The following LTBP1 variants were observed in gnomAD, a reference collection of about 807,000 sequenced individuals.
LTBP1 encodes latent transforming growth factor beta binding protein 1.
Under a neutral mutation model 207.6 loss-of-function variants are expected in LTBP1, and 129 were observed. That is an observed-to-expected ratio of 0.62 (90% CI 0.54 to 0.72). LTBP1 has a LOEUF of 0.72. LTBP1 is among the 30% of genes least tolerant of loss of function. The pLI is 0.00. For missense variants in LTBP1, 2,281 were observed against 2,217.2 expected, an observed-to-expected ratio of 1.03 and a Z score of -0.58; for synonymous variants, 963 against 833.7, an observed-to-expected ratio of 1.16 and a Z score of -2.67.
At chr2:32,950,015 G>C (rs182709293) in intron 2 of LTBP1, among the ~76,000 whole-genome samples, 1 of 152,178 alleles carries the variant, frequency 6.6e-6, no homozygotes, top group Admixed American at 6.5e-5. Flanking sequence ...GATCAGAAAT[G>C]CTCAGGGTTC....
chr2:32,971,002 T>TTG (rs56246215), intron 2 of LTBP1, among the ~76,000 whole-genome samples: 12,884 of 142,392 alleles, frequency 0.09, 606 homozygotes, highest in African/African-American at 0.11. Context: ...TCCTAGGTAT[T>TTG]TGTGTGTGTG....
Position 33,205,565 on chromosome 2 carries a change from C to T in LTBP1, c.1702-11987C>T, listed in dbSNP as rs535802138. On this transcript the variant is annotated intron_variant, in intron 7 of 33. Coordinates refer to ENST00000404816, the MANE Select transcript of LTBP1 (RefSeq NM_206943.4). The stretch of plus-strand genomic sequence containing the variant: ...TGATAGTGGTTCCATCATGTTACTG[C>T]CATGTTATCCAGAATATATGGCTTC... 1.0e-3 allele frequency among the ~76,000 whole-genome samples: 156 copies of T among 152,276 alleles called. 1 individual carries two copies. Among genetic ancestry groups the T allele is most frequent in the East Asian group, 1.9e-3 (10 of 5,184 alleles).
Position 33,165,716 on chromosome 2 carries a change from T to A in LTBP1, c.1202-21140T>A, listed in dbSNP as rs1572936564. Among the ~76,000 whole-genome samples, 4 of 152,346 alleles carry A rather than the reference T, an allele frequency of 2.6e-5. No homozygotes were observed. In the South Asian group the frequency reaches 8.3e-4, roughly 32 times the overall value. ...GAATTTATCATCATCATTATTATTATCATTATTTTAGCAGACGGAGTCTCT... is the reference window on the plus strand; with the variant it reads ...GAATTTATCATCATCATTATTATTAACATTATTTTAGCAGACGGAGTCTCT... On this transcript the variant is annotated intron_variant, in intron 5 of 33. Coordinates refer to ENST00000404816, the MANE Select transcript of LTBP1 (RefSeq NM_206943.4).
chr2:33,183,299 T>G (rs1314069145), intron 5 of LTBP1, among the ~76,000 whole-genome samples: 1 of 152,228 alleles, frequency 6.6e-6, no homozygotes, highest in Non-Finnish European at 1.5e-5. Context: ...TATCCACTTT[T>G]GTAAAATGTC....
intron 31 of LTBP1, among the ~76,000 whole-genome samples, chr2:33,388,104 C>G (rs2095283574): frequency 1.3e-5 from 2 of 152,200 alleles, no homozygotes. Flanking sequence ...CTCAATAACT[C>G]TGTTCTTAAA....
chr2:33,156,924 T>G (rs147084533), intron 5 of LTBP1, among the ~76,000 whole-genome samples: 8 of 152,332 alleles, frequency 5.3e-5, no homozygotes, highest in Non-Finnish European at 1.2e-4. Context: ...TTAAGAGAAT[T>G]CAAAGAACTT....
At chr2:33,119,640 T>C (rs547398110) in intron 4 of LTBP1, among the ~76,000 whole-genome samples, 1 of 152,178 alleles carries the variant, frequency 6.6e-6, no homozygotes, top group African/African-American at 2.4e-5. Flanking sequence ...TACTGCAAGC[T>C]CCGCCTCCCG....
Position 33,293,038 on chromosome 2 carries a change from A to G in LTBP1, c.3113-122A>G. The stretch of plus-strand genomic sequence containing the variant: ...CTCCTTTGGGCTAATTTGAAAGTTT[A>G]TCTTTAAGAATCTGCCTGGTCTTCT... On this transcript the variant is annotated intron_variant, in intron 19 of 33. Coordinates refer to ENST00000404816, the MANE Select transcript of LTBP1 (RefSeq NM_206943.4). 7.9e-6 allele frequency: 8 copies of G among 1,011,624 alleles called. No homozygotes were observed. In the South Asian group the frequency reaches 1.3e-4, roughly 16 times the overall value. The allele number at this position is 1,011,624 out of a possible 1,614,324, so 62.7% of individuals were successfully genotyped here. A position where few individuals can be genotyped will look rare whatever the true frequency, so the allele number is the denominator to read the frequency against.
intron 2 of LTBP1, among the ~76,000 whole-genome samples, chr2:33,019,628 C>T (rs1304372688): frequency 2.0e-5 from 3 of 152,070 alleles, no homozygotes; most frequent in Admixed American, 2.0e-4. Context: ...AGCCACTGTG[C>T]CCAGCCAGTA....
chr2:33,276,802 G>C (rs2093434899), intron 18 of LTBP1, among the ~76,000 whole-genome samples: 1 of 152,248 alleles, frequency 6.6e-6, no homozygotes, highest in Admixed American at 6.5e-5. Context: ...AGTGAGCTGA[G>C]ATCATGCCAC....
chr2:32,994,829 A>G (rs1685003624), intron 2 of LTBP1, among the ~76,000 whole-genome samples: 1 of 152,196 alleles, frequency 6.6e-6, no homozygotes, highest in Non-Finnish European at 1.5e-5. Flanking sequence ...GAAAAATTCC[A>G]GTTCTCAGGC....
chr2:33,120,072 T>C (rs2150374493), intron 4 of LTBP1, among the ~76,000 whole-genome samples: 1 of 150,636 alleles, frequency 6.6e-6, no homozygotes, highest in South Asian at 2.1e-4. Flanking sequence ...AGTTGCAGTA[T>C]GGTTATATTA....
chr2:33,102,821 C>T (rs1280456134), intron 3 of LTBP1, among the ~76,000 whole-genome samples: 6 of 151,830 alleles, frequency 4.0e-5, no homozygotes, highest in Non-Finnish European at 7.4e-5. Context: ...GTAAGCTGTA[C>T]GCATTGTCTG....
chr2:33,398,015 C>T (rs1046025084), intron 33 of LTBP1, among the ~76,000 whole-genome samples: 8 of 152,224 alleles, frequency 5.3e-5, no homozygotes, highest in South Asian at 2.1e-4. Context: ...GAGGCCTCTG[C>T]GTAGGTATCT....
intron 3 of LTBP1, among the ~76,000 whole-genome samples, chr2:33,027,039 T>TC (rs1243637521): frequency 1.3e-5 from 2 of 152,258 alleles, no homozygotes; most frequent in Admixed American, 1.3e-4. Flanking sequence ...GTGTTTTTTT[T>TC]CACTCAGTGT....
chr2:33,220,642 T>C (rs561519346), intron 8 of LTBP1, among the ~76,000 whole-genome samples: 2 of 152,346 alleles, frequency 1.3e-5, no homozygotes, highest in South Asian at 4.1e-4. Context: ...AGATGACTGC[T>C]GAAAGTTCTA....
At chr2:33,201,493 C>T (rs1238002634) in intron 7 of LTBP1, among the ~76,000 whole-genome samples, 26 of 50,274 alleles carry the variant, frequency 5.2e-4, no homozygotes, top group Admixed American at 1.3e-3. Context: ...TGGGGGGAGG[C>T]GGGAGGGATA....
At chr2:33,175,636 G>A (rs956530329) in intron 5 of LTBP1, among the ~76,000 whole-genome samples, 2 of 152,076 alleles carry the variant, frequency 1.3e-5, no homozygotes, top group African/African-American at 2.4e-5. Flanking sequence ...CCATTGGACC[G>A]AGCCATCCCA....
chr2:32,996,887 T>G (rs1685368605), intron 2 of LTBP1, among the ~76,000 whole-genome samples: 1 of 152,006 alleles, frequency 6.6e-6, no homozygotes, highest in Non-Finnish European at 1.5e-5. Flanking sequence ...AACTTTTTTT[T>G]GTTTTGTTTT....
Sources: allele counts gnomAD v4.1 joint callset (sites outside exome capture counted in the v4.1 genomes callset), GRCh38; gene constraint gnomAD v4.1.1; transcripts MANE v1.5; gene names NCBI Gene and HGNC (gene_info 2026-07-23, HGNC 2026-07-21).